The following LINGO2 variants were observed in gnomAD, a reference collection of about 807,000 sequenced individuals.
The protein encoded by LINGO2 is leucine rich repeat and Ig domain containing 2.
LINGO2 carries 14 observed loss-of-function variants against 30.6 expected under a neutral mutation model. The observed-to-expected ratio is 0.46, with a 90% CI of 0.30 to 0.72. The LOEUF (loss-of-function observed/expected upper bound fraction) is 0.72. Ranked by LOEUF, LINGO2 falls within the 30% of genes least tolerant of loss-of-function variation. The pLI is 0.07. For missense variants in LINGO2, 729 were observed against 751.7 expected, an observed-to-expected ratio of 0.97 and a Z score of 0.35; for synonymous variants, 317 against 288.5, an observed-to-expected ratio of 1.10 and a Z score of -1.00.
chr9:28,002,853 G>T (rs1197920), intron 5 of LINGO2, among the ~76,000 whole-genome samples: 79,856 of 151,766 alleles, frequency 0.53, 21,350 homozygotes, highest in East Asian at 0.84. Flanking sequence ...CATGTTAGCT[G>T]CGTTGGTGTG....
At chr9:28,411,253 CT>C (rs796341660) in intron 2 of LINGO2, among the ~76,000 whole-genome samples, 39 of 151,772 alleles carry the variant, frequency 2.6e-4, no homozygotes, top group African/African-American at 8.9e-4. Context: ...CCACATGCTC[CT>C]TTTTTTTAGG....
intron 4 of LINGO2, among the ~76,000 whole-genome samples, chr9:28,170,129 G>C (rs1310534446): frequency 6.6e-6 from 1 of 152,070 alleles, no homozygotes; most frequent in Non-Finnish European, 1.5e-5. Flanking sequence ...GACCATACCT[G>C]GTATTGAATA....
intron 1 of LINGO2, among the ~76,000 whole-genome samples, chr9:28,557,425 T>A (rs1822778080): frequency 6.6e-6 from 1 of 152,016 alleles, no homozygotes; most frequent in Non-Finnish European, 1.5e-5. Flanking sequence ...ATCAGAGAAA[T>A]GCAAATCAAA....
the LINGO2 span, among the ~76,000 whole-genome samples, chr9:29,198,624 T>C: frequency 2.6e-5 from 4 of 152,152 alleles, no homozygotes; most frequent in African/African-American, 9.6e-5. Flanking sequence ...TTCCGTATTT[T>C]TTAAGCCATA....
At chr9:28,950,572 A>C in the LINGO2 span, among the ~76,000 whole-genome samples, 2 of 152,062 alleles carry the variant, frequency 1.3e-5, no homozygotes, top group East Asian at 3.9e-4. Context: ...TCAATGTGCA[A>C]AAATCACAAG....
intron 2 of LINGO2, among the ~76,000 whole-genome samples, chr9:28,446,149 T>C (rs1306856723): frequency 6.6e-6 from 1 of 152,162 alleles, no homozygotes; most frequent in African/African-American, 2.4e-5. Flanking sequence ...GAATACCTCA[T>C]TATGATTATT....
At chr9:28,815,914 C>T in the LINGO2 span, among the ~76,000 whole-genome samples, 1 of 152,096 alleles carries the variant, frequency 6.6e-6, no homozygotes, top group East Asian at 1.9e-4. Flanking sequence ...AACGGAATAC[C>T]ACGGGCTGGG....
the LINGO2 span, among the ~76,000 whole-genome samples, chr9:28,756,091 C>T: frequency 6.6e-6 from 1 of 151,994 alleles, no homozygotes; most frequent in South Asian, 2.1e-4. Context: ...CTGAAATCAC[C>T]TGATCCATTC....
At chr9:28,149,488 C>T (rs1228063067) in intron 4 of LINGO2, among the ~76,000 whole-genome samples, 3 of 123,252 alleles carry the variant, frequency 2.4e-5, no homozygotes, top group Non-Finnish European at 3.5e-5. Flanking sequence ...TGGGAAGTGA[C>T]GAGCGCCTCT....
the LINGO2 span, among the ~76,000 whole-genome samples, chr9:28,989,188 G>T: frequency 1.3e-5 from 2 of 152,056 alleles, no homozygotes; most frequent in East Asian, 1.9e-4. Context: ...CTGTCCAGTG[G>T]GCTCACAATC....
intron 4 of LINGO2, among the ~76,000 whole-genome samples, chr9:28,060,002 TCA>T (rs1003283420): frequency 6.6e-6 from 1 of 152,090 alleles, no homozygotes; most frequent in Non-Finnish European, 1.5e-5. Flanking sequence ...ATCCTTAGTG[TCA>T]GTTTCTAAAG....
chr9:28,979,180 G>A, the LINGO2 span, among the ~76,000 whole-genome samples: 1 of 151,992 alleles, frequency 6.6e-6, no homozygotes, highest in Admixed American at 6.6e-5. Context: ...TGAAAAAAAT[G>A]CTGTCTTTAG....
the LINGO2 span, among the ~76,000 whole-genome samples, chr9:28,882,484 A>G: frequency 6.6e-6 from 1 of 152,334 alleles, no homozygotes. Context: ...TGTAAACTCC[A>G]GTAATACAAC....
At chr9:28,726,355 A>C in the LINGO2 span, among the ~76,000 whole-genome samples, 1 of 152,314 alleles carries the variant, frequency 6.6e-6, no homozygotes, top group Non-Finnish European at 1.5e-5. Flanking sequence ...ATAAGTTGCA[A>C]CAAGTAGACA....
chr9:28,157,268 A>C (rs1828158152), intron 4 of LINGO2, among the ~76,000 whole-genome samples: 1 of 152,162 alleles, frequency 6.6e-6, no homozygotes, highest in South Asian at 2.1e-4. Flanking sequence ...CCACACGCTC[A>C]ACACCATGTG....
At chr9:28,583,215 T>A (rs1294904817) in intron 1 of LINGO2, among the ~76,000 whole-genome samples, 1 of 151,940 alleles carries the variant, frequency 6.6e-6, no homozygotes, top group African/African-American at 2.4e-5. Context: ...ACAGCAGAAG[T>A]TGTAATGGCT....
the LINGO2 span, among the ~76,000 whole-genome samples, chr9:29,202,742 G>C: frequency 2.0e-5 from 3 of 151,854 alleles, no homozygotes; most frequent in African/African-American, 7.3e-5. Flanking sequence ...CTTCGTTTTT[G>C]GGTCAGCTAG....
At chr9:28,059,484 TA>T (rs1355910589) in intron 4 of LINGO2, among the ~76,000 whole-genome samples, 1 of 152,064 alleles carries the variant, frequency 6.6e-6, no homozygotes, top group African/African-American at 2.4e-5. Flanking sequence ...GCAGTCCAGT[TA>T]GAACTGTGCC....
chr9:28,716,161 T>TA, the LINGO2 span, among the ~76,000 whole-genome samples: 462 of 144,370 alleles, frequency 3.2e-3, no homozygotes, highest in South Asian at 0.01. Flanking sequence ...TTTTCAGCAT[T>TA]AAAAAAAAAA....
Sources: gnomAD v4.1 joint callset for allele counts (sites outside exome capture counted in the v4.1 genomes callset) on GRCh38, gnomAD v4.1.1 for gene constraint, MANE v1.5 for transcripts, NCBI Gene and HGNC (gene_info 2026-07-23, HGNC 2026-07-21) for gene names.